FBXL17: variants seen among roughly 807,000 people sequenced by gnomAD.
FBXL17 encodes F-box and leucine rich repeat protein 17.
Under a neutral mutation model 66.2 loss-of-function variants are expected in FBXL17, and 22 were observed. That is an observed-to-expected ratio of 0.33 (90% CI 0.24 to 0.47). The LOEUF (loss-of-function observed/expected upper bound fraction) is 0.47. FBXL17 is among the 20% of genes least tolerant of loss of function. FBXL17 has a pLI of 1.00. For missense variants in FBXL17, 878 were observed against 948.2 expected (o/e 0.93, Z 0.97); for synonymous variants, 474 against 400.5 (o/e 1.18, Z -2.19).
chr5:108,156,815 C>A (rs954350518), intron 6 of FBXL17, among the ~76,000 whole-genome samples: 3 of 151,778 alleles, frequency 2.0e-5, no homozygotes, highest in African/African-American at 7.2e-5. Context: ...GTGCTCTAAT[C>A]TGAAGTTCCA....
In FBXL17 at chr5:108,212,453, C is replaced by T. The variant is rs139771586; in HGVS notation, c.1614+11668G>A. On this transcript the variant is annotated intron_variant, in intron 5 of 8. Coordinates refer to ENST00000542267, the MANE Select transcript of FBXL17 (RefSeq NM_001163315.3). ...TTTCAGCCTTTTTGTGCTGGTTTCT[C>T]CCCATCTTTGTGATTTACCTACCTT... 8.6e-3 allele frequency among the ~76,000 whole-genome samples: 1,313 copies of T among 152,270 alleles called. 8 individuals carry two copies. Among genetic ancestry groups the T allele is most frequent in the Non-Finnish European group, 0.015 (997 of 68,018 alleles).
intron 7 of FBXL17, among the ~76,000 whole-genome samples, chr5:107,985,334 T>C (rs749762229): frequency 5.3e-5 from 8 of 152,176 alleles, no homozygotes; most frequent in African/African-American, 1.9e-4. Context: ...GGATGATTAG[T>C]CCTTGTACTG....
chr5:108,072,387 C>G (rs922884857), intron 6 of FBXL17, among the ~76,000 whole-genome samples: 1 of 152,154 alleles, frequency 6.6e-6, no homozygotes, highest in African/African-American at 2.4e-5. Context: ...TTAACAGTTA[C>G]AGGGCACAAT....
At chr5:108,306,501 T>C (rs932492170) in intron 4 of FBXL17, among the ~76,000 whole-genome samples, 1 of 152,098 alleles carries the variant, frequency 6.6e-6, no homozygotes, top group African/African-American at 2.4e-5. Flanking sequence ...CTTCTTCATC[T>C]GGAAAATGGA....
At chr5:108,040,813 G>A (rs1297328357) in intron 6 of FBXL17, among the ~76,000 whole-genome samples, 19 of 152,152 alleles carry the variant, frequency 1.2e-4, no homozygotes, top group Admixed American at 1.2e-3. Context: ...AGTTGACTAA[G>A]AGACATTAAA....
intron 4 of FBXL17, among the ~76,000 whole-genome samples, chr5:108,306,695 A>G (rs1394264329): frequency 6.6e-6 from 1 of 152,090 alleles, no homozygotes; most frequent in Non-Finnish European, 1.5e-5. Context: ...TATCATCTTC[A>G]GTATAAAAGA....
chr5:108,096,228 G>T (rs1449984984), intron 6 of FBXL17, among the ~76,000 whole-genome samples: 6 of 152,162 alleles, frequency 3.9e-5, no homozygotes, highest in Non-Finnish European at 7.4e-5. Flanking sequence ...CACACACGGA[G>T]CATTAGCAAA....
chr5:108,188,129 T>C (rs1205468528), intron 5 of FBXL17, among the ~76,000 whole-genome samples: 1 of 152,122 alleles, frequency 6.6e-6, no homozygotes, highest in Non-Finnish European at 1.5e-5. Flanking sequence ...GAATGGTCAT[T>C]GGGAGGGTAG....
In FBXL17 at chr5:108,370,560, T is replaced by C. The variant is rs144224287; in HGVS notation, c.994-2607A>G. Among the ~76,000 whole-genome samples the C allele has an allele frequency of 3.2e-3, 483 of 152,120 alleles. 3 individuals carry two copies. The highest frequency in any genetic ancestry group is 0.011 in the African/African-American group (464 of 41,480). ...GAGTACAAGACCAGCCTGGCCAATA[T>C]GGTGAAATCCCATCTCTACTAAAAA... On this transcript the variant is annotated intron_variant, in intron 1 of 8. Coordinates refer to ENST00000542267, the MANE Select transcript of FBXL17 (RefSeq NM_001163315.3).
At chr5:108,142,222 T>C (rs1234335773) in intron 6 of FBXL17, among the ~76,000 whole-genome samples, 3 of 152,226 alleles carry the variant, frequency 2.0e-5, no homozygotes, top group Non-Finnish European at 4.4e-5. Context: ...TTTGCACTGG[T>C]ACTTCAGAAA....
intron 6 of FBXL17, among the ~76,000 whole-genome samples, chr5:108,158,435 C>T: frequency 6.6e-6 from 1 of 151,930 alleles, no homozygotes; most frequent in Non-Finnish European, 1.5e-5. Flanking sequence ...TCTTAAAATA[C>T]TTTAAAGATA....
chr5:108,372,836 G>A (rs1007902085), intron 1 of FBXL17, among the ~76,000 whole-genome samples: 5 of 152,080 alleles, frequency 3.3e-5, no homozygotes, highest in African/African-American at 4.8e-5. Context: ...TGAACTAAAG[G>A]ATACCAGTAA....
chr5:108,051,185 G>A (rs952684566), intron 6 of FBXL17, among the ~76,000 whole-genome samples: 20 of 152,288 alleles, frequency 1.3e-4, no homozygotes, highest in African/African-American at 4.6e-4. Flanking sequence ...TATCCCTTCT[G>A]AAACTATTCC....
intron 4 of FBXL17, among the ~76,000 whole-genome samples, chr5:108,249,341 A>G (rs571976049): frequency 2.0e-5 from 3 of 152,302 alleles, no homozygotes; most frequent in Admixed American, 6.5e-5. Context: ...TCTGACTGAT[A>G]TAAGAGCTCC....
chr5:108,031,907 G>C lies in FBXL17; in HGVS notation c.1746-10906C>G, dbSNP rs74597328. On this transcript the variant is annotated intron_variant, in intron 6 of 8. Coordinates refer to ENST00000542267, the MANE Select transcript of FBXL17 (RefSeq NM_001163315.3). ...TGGGAACTAAATTCAACTTCTCTAA[G>C]TCTCTTCTATAAAATGGAAACTACA... Among the ~76,000 whole-genome samples the C allele has an allele frequency of 9.0e-3, 1,369 of 152,210 alleles. 19 individuals carry two copies. Among genetic ancestry groups the C allele is most frequent in the African/African-American group, 0.031 (1,269 of 41,542 alleles).
intron 7 of FBXL17, among the ~76,000 whole-genome samples, chr5:107,940,435 C>G (rs1188532789): frequency 6.6e-6 from 1 of 152,024 alleles, no homozygotes; most frequent in African/African-American, 2.4e-5. Context: ...ATGCAAGGTA[C>G]AGAGAGGAGT....
intron 4 of FBXL17, among the ~76,000 whole-genome samples, chr5:108,226,058 T>C (rs971518819): frequency 2.0e-5 from 3 of 152,182 alleles, no homozygotes; most frequent in African/African-American, 4.8e-5. Flanking sequence ...ATAACTCTCC[T>C]AGTCCCTCTC....
At chr5:107,954,892 T>A (rs1195109596) in intron 7 of FBXL17, among the ~76,000 whole-genome samples, 1 of 152,180 alleles carries the variant, frequency 6.6e-6, no homozygotes, top group Non-Finnish European at 1.5e-5. Flanking sequence ...GTTGCAAAAT[T>A]TCTATTTTGA....
At position 108,381,005 on chromosome 5, in the gene FBXL17, C is replaced by CCCGCCACCGCCG. The variant is rs1561570198; in HGVS notation, c.675_686dup (p.Gly228_Gly231dup). On this transcript the variant is annotated inframe_insertion, in exon 1 of 9. Coordinates refer to ENST00000542267, the MANE Select transcript of FBXL17 (RefSeq NM_001163315.3). ...AAGCGCCTCCCCCCGCAGGCCCTCC[C>CCCGCCACCGCCG]CCGCCACCGCCGCCGCCGCCGCCGC... 4 of 1,193,066 alleles carry CCCGCCACCGCCG rather than the reference C, an allele frequency of 3.4e-6. No homozygotes were observed. The African/African-American group carries it at 4.8e-5, about 14-fold the overall frequency. 73.9% of individuals were successfully genotyped at this position (1,193,066 alleles called of 1,614,324 possible).
Sources: gnomAD v4.1 joint callset for allele counts (sites outside exome capture counted in the v4.1 genomes callset) on GRCh38, gnomAD v4.1.1 for gene constraint, MANE v1.5 for transcripts, NCBI Gene and HGNC (gene_info 2026-07-23, HGNC 2026-07-21) for gene names.